Variants in MBP observed in about 807,000 individuals in gnomAD.
MBP encodes the protein Golli-MBP.
In MBP, 16 loss-of-function variants were observed where a neutral mutation model predicts 35.8. The ratio of observed to expected loss-of-function variants is 0.45; its 90% CI spans 0.30 to 0.68. The LOEUF is 0.68. MBP is among the 30% of genes least tolerant of loss of function. MBP has a pLI of 0.08. For synonymous variants in MBP, 143 were observed against 159.6 expected (o/e 0.90, Z 0.78); for missense variants, 380 against 404.7 (o/e 0.94, Z 0.52).
At position 77,014,220 on chromosome 18, in the gene MBP, A is replaced by G. The variant is rs908783365; in HGVS notation, c.576+2612T>C. 7 of 985,272 alleles carry G rather than the reference A, an allele frequency of 7.1e-6. No homozygotes were observed. In the African/African-American group the frequency reaches 1.2e-4, roughly 17 times the overall value. 61.0% of individuals were successfully genotyped at this position (985,272 alleles called of 1,614,324 possible). A position where few individuals can be genotyped will look rare whatever the true frequency, so the allele number is the denominator to read the frequency against. On this transcript the variant is annotated intron_variant, in intron 4 of 8. Coordinates refer to ENST00000355994, the MANE Select transcript of MBP (RefSeq NM_001025101.2). ...AATGTCAGCTCCCAGCAACACAAGC[A>G]TGGGTGTTGTTAGGGCATTCCCGGG... is the stretch of plus-strand genomic sequence containing the variant.
In MBP at chr18:76,988,083, T is replaced by C; in HGVS notation, c.750+412A>G. The stretch of plus-strand genomic sequence containing the variant: ...CAGAATCATTTTCCCAGTGTCAGCA[T>C]CTGGGGTCACTGAGACGGGCCAGCC... On this transcript the variant is annotated intron_variant, in intron 7 of 8. Transcript: ENST00000355994. The surrounding 1 kb of genome is among the most constrained non-coding windows in gnomAD (Gnocchi z 5.2). 6.7e-7 allele frequency: 1 copy of C among 1,481,794 alleles called. No homozygotes were observed. Among genetic ancestry groups the C allele is most frequent in the Non-Finnish European group, 8.9e-7 (1 of 1,117,402 alleles). 91.8% of individuals were successfully genotyped at this position (1,481,794 alleles called of 1,614,324 possible).
intron 3 of MBP, among the ~76,000 whole-genome samples, chr18:77,059,605 T>C (rs1388535480): frequency 6.6e-6 from 1 of 152,016 alleles, no homozygotes; most frequent in Non-Finnish European, 1.5e-5. Flanking sequence ...AATAAATATA[T>C]TTTTGCTTAA....
In MBP at chr18:76,990,068, A is replaced by C. The variant is rs778109761; in HGVS notation, c.577-8T>G. 1.9e-6 allele frequency: 3 copies of C among 1,601,824 alleles called. No individual in the cohort carries two copies. Among genetic ancestry groups the C allele is most frequent in the Non-Finnish European group, 2.6e-6 (3 of 1,171,636 alleles). ...TGCCGGGTGGTGTGAGTCCTGAAAC[A>C]CAGAGGCGCGGTGACCTCAGGACAA... On this transcript the variant is annotated splice_polypyrimidine_tract_variant and splice_region_variant and intron_variant, in intron 4 of 8. Coordinates refer to ENST00000355994, the MANE Select transcript of MBP (RefSeq NM_001025101.2).
At chr18:76,987,980 T>A in intron 7 of MBP, 1 of 1,247,600 alleles carries the variant, frequency 8.0e-7, no homozygotes, top group African/African-American at 1.5e-5. Flanking sequence ...TTTAAACACA[T>A]ACAAAACAAA....
At chr18:77,107,662 T>C (rs1269610607) in intron 1 of MBP, among the ~76,000 whole-genome samples, 1 of 152,170 alleles carries the variant, frequency 6.6e-6, no homozygotes, top group Non-Finnish European at 1.5e-5. Flanking sequence ...TCCGAATCAG[T>C]TTGTTCTGAT....
chr18:76,984,625 C>T (rs1020686550), intron 8 of MBP, 150 bp downstream of exon 8: 7 of 1,035,230 alleles, frequency 6.8e-6, no homozygotes, highest in African/African-American at 6.4e-5. Context: ...GGCAATGCCA[C>T]CTGAGCCCCT....
chr18:77,037,257 A>G (rs374425119), intron 3 of MBP, among the ~76,000 whole-genome samples: 21 of 140,244 alleles, frequency 1.5e-4, no homozygotes, highest in South Asian at 4.6e-4. Context: ...TGCTGGTCAC[A>G]TTTTGGAGAC....
chr18:77,106,495 G>A (rs1268300763), intron 1 of MBP, among the ~76,000 whole-genome samples: 2 of 152,118 alleles, frequency 1.3e-5, no homozygotes, highest in Non-Finnish European at 2.9e-5. Flanking sequence ...ACGTGTGTGG[G>A]AGACGACTAG....
chr18:77,030,452 A>T (rs991710138), intron 3 of MBP, among the ~76,000 whole-genome samples: 1 of 152,208 alleles, frequency 6.6e-6, no homozygotes, highest in African/African-American at 2.4e-5. Flanking sequence ...TTAAATGCAC[A>T]ATGGCAGAAT....
intron 3 of MBP, among the ~76,000 whole-genome samples, chr18:77,025,270 G>A (rs1972162609): frequency 6.6e-6 from 1 of 152,156 alleles, no homozygotes; most frequent in Non-Finnish European, 1.5e-5. Context: ...AAATTGAACT[G>A]CAGATAATCG....
rs181795782 is a variant in MBP, at chr18:76,993,350, C to T, written c.577-3290G>A. Among the ~76,000 whole-genome samples, 463 of 148,692 alleles carry T rather than the reference C, an allele frequency of 3.1e-3. 3 individuals carry two copies. Among genetic ancestry groups the T allele is most frequent in the African/African-American group, 0.011 (435 of 40,406 alleles). ...GGCAGATTGCCTGAGGTCAGGAGTTCGAGACCACCCTGGGCAATATGGTGA... is the reference window on the plus strand; with the variant it reads ...GGCAGATTGCCTGAGGTCAGGAGTTTGAGACCACCCTGGGCAATATGGTGA... On this transcript the variant is annotated intron_variant, in intron 4 of 8. Coordinates refer to ENST00000355994, the MANE Select transcript of MBP (RefSeq NM_001025101.2).
intron 1 of MBP, chr18:77,110,038 C>T (rs2145158330): frequency 6.6e-6 from 1 of 152,262 alleles, no homozygotes; most frequent in South Asian, 2.1e-4. Context: ...CCTCATGTTT[C>T]TATAAACCTA....
At position 76,987,842 on chromosome 18, in the gene MBP, A is replaced by T. The variant is rs187110029; in HGVS notation, c.750+653T>A. The T allele has an allele frequency of 5.8e-6, 6 of 1,038,426 alleles. No individual in the cohort carries two copies. The East Asian group carries it at 4.5e-4, about 77-fold the overall frequency. 64.3% of individuals were successfully genotyped at this position (1,038,426 alleles called of 1,614,324 possible). ...CATTTTAATTTGGCTCAGACACCAA[A>T]TTTTTTCACTAGAAAGTTCAAATTG... is the stretch of plus-strand genomic sequence containing the variant. On this transcript the variant is annotated intron_variant, in intron 7 of 8. Coordinates refer to ENST00000355994, the MANE Select transcript of MBP (RefSeq NM_001025101.2).
intron 4 of MBP, 158 bp downstream of exon 4, chr18:77,016,674 C>T: frequency 1.4e-6 from 2 of 1,435,830 alleles, no homozygotes; most frequent in Non-Finnish European, 1.8e-6. Flanking sequence ...CCACTCAGGC[C>T]CACACTCTTG....
At chr18:77,098,000 G>A (rs1229992647) in intron 2 of MBP, among the ~76,000 whole-genome samples, 1 of 152,004 alleles carries the variant, frequency 6.6e-6, no homozygotes. Context: ...CCCTCTATGT[G>A]AGCCCTCCCC....
At chr18:77,009,911 G>C in intron 4 of MBP, 1 of 1,588,398 alleles carries the variant, frequency 6.3e-7, no homozygotes, top group Non-Finnish European at 8.6e-7. Context: ...CTCCGGCCCG[G>C]CTTTAGCCAG....
chr18:77,044,536 G>A lies in MBP; in HGVS notation c.139+21762C>T, dbSNP rs1973148940. On this transcript the variant is annotated intron_variant, in intron 3 of 8. Coordinates refer to ENST00000355994, the MANE Select transcript of MBP (RefSeq NM_001025101.2). The surrounding 1 kb of genome is among the most constrained non-coding windows in gnomAD (Gnocchi z 4.4). ...CCTCGTCCCTGGAAAGCCCTCTCCAGGGCCCTCGGCCTCGCTGTCTCACAT... is the reference window on the plus strand; with the variant it reads ...CCTCGTCCCTGGAAAGCCCTCTCCAAGGCCCTCGGCCTCGCTGTCTCACAT... 6.6e-6 allele frequency among the ~76,000 whole-genome samples: 1 copy of A among 152,044 alleles called. No individual in the cohort carries two copies. Among genetic ancestry groups the A allele is most frequent in the South Asian group, 2.1e-4 (1 of 4,814 alleles).
chr18:77,103,673 A>T (rs1040339326), intron 2 of MBP, among the ~76,000 whole-genome samples: 1 of 152,210 alleles, frequency 6.6e-6, no homozygotes, highest in Non-Finnish European at 1.5e-5. Flanking sequence ...TTCTGTGCAC[A>T]CTGGCAGGCT....
chr18:77,011,088 C>T (rs1006423512), intron 4 of MBP, among the ~76,000 whole-genome samples: 4 of 152,140 alleles, frequency 2.6e-5, no homozygotes, highest in Admixed American at 6.5e-5. Context: ...GTGAACACAC[C>T]GGGGTTTTCA....
Sources: gnomAD v4.1 joint callset for allele counts (sites outside exome capture counted in the v4.1 genomes callset) on GRCh38, gnomAD v4.1.1 for gene constraint, Gnocchi (gnomAD v3.1) non-coding constraint, MANE v1.5 for transcripts, NCBI Gene and HGNC (gene_info 2026-07-23, HGNC 2026-07-21) for gene names.